DCLRE1C: variants seen among roughly 807,000 people sequenced by gnomAD.
DCLRE1C encodes DNA cross-link repair 1C.
Under a neutral mutation model 61.4 loss-of-function variants are expected in DCLRE1C, and 47 were observed. The observed-to-expected ratio is 0.77, with a 90% CI of 0.61 to 0.98. The LOEUF is 0.98. Ranked by LOEUF, DCLRE1C falls within the 50% of genes least tolerant of loss-of-function variation. The probability of loss-of-function intolerance (pLI) is 0.00; values close to 1 mark genes in which losing one functional copy is unlikely to be tolerated. For missense variants in DCLRE1C, 858 were observed against 816.0 expected (o/e 1.05, Z -0.63); for synonymous variants, 337 against 287.6 (o/e 1.17, Z -1.74).
chr10:14,925,303 G>A (rs1209995207), intron 11 of DCLRE1C, among the ~76,000 whole-genome samples: 1 of 150,312 alleles, frequency 6.7e-6, no homozygotes, highest in African/African-American at 2.5e-5. Context: ...GAGATGAAAT[G>A]GCCCCAAGGA....
At chr10:14,899,322 A>T in intron 13 of DCLRE1C, 2 of 688,044 alleles carry the variant, frequency 2.9e-6, no homozygotes, top group Non-Finnish European at 5.2e-6. Context: ...CCTGTTTAAA[A>T]AAAAAAGGTC....
chr10:14,899,187 G>A lies in DCLRE1C; in HGVS notation c.1282C>T (p.Arg428Cys), dbSNP rs148343292. 2,328 of 701,848 alleles carry A rather than the reference G, an allele frequency of 3.3e-3. 12 individuals carry two copies. Among genetic ancestry groups the A allele is most frequent in the Middle Eastern group, 1.0e-2 (42 of 4,218 alleles). The allele number at this position is 701,848 out of a possible 1,614,324, so 43.5% of individuals were successfully genotyped here. ...AACTAAATCATTAGCTGGGCATGGC[G>A]GTATGCACCTGTGATCCAGCTAGTC... The change falls in exon 14 of 14, where the codon CGC becomes TGC. Residue 428 changes from arginine to cysteine, a missense_variant. Arg to Cys is a radical substitution (Grantham distance 180). Transcript: ENST00000378289.
chr10:14,954,384 C>G (rs1035097015), upstream of DCLRE1C: 7 of 362,876 alleles, frequency 1.9e-5, no homozygotes, highest in Admixed American at 2.6e-4. Context: ...CCCCAGCCGA[C>G]GAGGTGAGTG....
chr10:14,943,023 GGC>G (rs1841115578), intron 3 of DCLRE1C, among the ~76,000 whole-genome samples: 1 of 152,228 alleles, frequency 6.6e-6, no homozygotes, highest in Non-Finnish European at 1.5e-5. Context: ...CCACTAGGGA[GGC>G]GGAGGCAGGG....
At chr10:14,947,082 C>T (rs1043070157) in intron 2 of DCLRE1C, among the ~76,000 whole-genome samples, 14 of 152,108 alleles carry the variant, frequency 9.2e-5, no homozygotes, top group African/African-American at 3.1e-4. Flanking sequence ...CTTAGAGGCA[C>T]GTGCCTGTAG....
At position 14,906,026 on chromosome 10, in the gene DCLRE1C, G is replaced by C. The variant is rs138262568; in HGVS notation, c.*2382C>G. 5.7e-3 allele frequency among the ~76,000 whole-genome samples: 868 copies of C among 152,266 alleles called. 23 individuals carry two copies. The highest frequency in any genetic ancestry group is 0.05 in the Admixed American group (772 of 15,290). ...CTTCATGTTTCCTCTTGTGGTTTAT[G>C]ATTCTTGACGTAAAAACCAAGTAGC... On this transcript the variant is annotated 3_prime_UTR_variant, in exon 14 of 14. Coordinates refer to ENST00000378278, the MANE Select transcript of DCLRE1C (RefSeq NM_001033855.3).
At chr10:14,922,869 G>C in intron 12 of DCLRE1C, 112 bp downstream of exon 12, 1 of 818,920 alleles carries the variant, frequency 1.2e-6, no homozygotes. Context: ...GTTCAGAAAT[G>C]TCCCAAAACA....
intron 13 of DCLRE1C, among the ~76,000 whole-genome samples, chr10:14,919,080 G>A (rs757148497): frequency 1.3e-5 from 2 of 152,122 alleles, no homozygotes; most frequent in South Asian, 2.1e-4. Context: ...TCATTATCTC[G>A]TGTGTTTTGG....
intron 13 of DCLRE1C, among the ~76,000 whole-genome samples, chr10:14,916,240 A>C (rs1836163797): frequency 6.6e-6 from 1 of 152,192 alleles, no homozygotes. Flanking sequence ...CTGTAGTGGT[A>C]GTCTAGACAA....
At chr10:14,924,850 AAAAT>A (rs1257970385) in intron 11 of DCLRE1C, among the ~76,000 whole-genome samples, 3 of 151,950 alleles carry the variant, frequency 2.0e-5, no homozygotes, top group Non-Finnish European at 2.9e-5. Context: ...CCATCTCAAA[AAAAT>A]AAATAAATAA....
intron 2 of DCLRE1C, 72 bp downstream of exon 2, chr10:14,948,964 A>G: frequency 1.9e-6 from 2 of 1,061,156 alleles, no homozygotes; most frequent in Non-Finnish European, 2.9e-6. Flanking sequence ...TTGGATGTAT[A>G]TACTTTTCTG....
chr10:14,936,926 A>G (rs1840030507), intron 4 of DCLRE1C, among the ~76,000 whole-genome samples: 1 of 152,252 alleles, frequency 6.6e-6, no homozygotes, highest in Admixed American at 6.5e-5. Flanking sequence ...CAGCTGATGC[A>G]TCAATCAGGA....
At chr10:14,911,197 G>T (rs1835194983) in intron 13 of DCLRE1C, 1 of 152,246 alleles carries the variant, frequency 6.6e-6, no homozygotes, top group Non-Finnish European at 1.5e-5. Flanking sequence ...CACCGTGCCA[G>T]GAACAGTGTC....
chr10:14,934,322 C>G lies in DCLRE1C; in HGVS notation c.678+58G>C, dbSNP rs1300890161. The G allele has an allele frequency of 1.9e-6, 3 of 1,575,408 alleles. No homozygotes were observed. In the East Asian group the frequency reaches 6.7e-5, roughly 35 times the overall value. On this transcript the variant is annotated intron_variant, in intron 8 of 13. Transcript: ENST00000378278. ...CAGCCTGGGCAACATAGCAAGACTC[C>G]CTCTCAAAAAAAAAAAAAAAAGAAA...
chr10:14,954,385 G>T (rs1025418063), upstream of DCLRE1C: 1 of 361,710 alleles, frequency 2.8e-6, no homozygotes, highest in Non-Finnish European at 5.3e-6. Flanking sequence ...CCCAGCCGAC[G>T]AGGTGAGTGG....
At chr10:14,935,979 G>A (rs529286455) in intron 5 of DCLRE1C, among the ~76,000 whole-genome samples, 24 of 152,280 alleles carry the variant, frequency 1.6e-4, no homozygotes, top group South Asian at 6.2e-4. Context: ...CTCAATCTTG[G>A]CTCACTGCAA....
rs41300654 is a variant in DCLRE1C at position 14,910,849 on chromosome 10, G to A, written c.1157-1519C>T. 4.5e-3 allele frequency among the ~76,000 whole-genome samples: 679 copies of A among 152,148 alleles called. 8 individuals are homozygous for A. Among genetic ancestry groups the A allele is most frequent in the Middle Eastern group, 0.031 (9 of 292 alleles). On this transcript the variant is annotated intron_variant, in intron 13 of 13. Transcript: ENST00000378278. Reference sequence around the variant, plus strand: ...ACTATCTCTCAAGAAAATGGACATCGAGCAATTAAGGACAATGACATGAGA... The same window carrying A: ...ACTATCTCTCAAGAAAATGGACATCAAGCAATTAAGGACAATGACATGAGA...
At chr10:14,945,877 C>G (rs1428157637) in intron 2 of DCLRE1C, among the ~76,000 whole-genome samples, 1 of 150,254 alleles carries the variant, frequency 6.7e-6, no homozygotes, top group Non-Finnish European at 1.5e-5. Flanking sequence ...AGGCTGGTCT[C>G]GAACTCCTGA....
intron 10 of DCLRE1C, among the ~76,000 whole-genome samples, chr10:14,927,582 A>G (rs1589016322): frequency 9.9e-6 from 1 of 101,322 alleles, no homozygotes; most frequent in Non-Finnish European, 1.9e-5. Context: ...GTGGGGGGGG[A>G]GAAAGGAGAG....
Sources: allele counts gnomAD v4.1 joint callset (sites outside exome capture counted in the v4.1 genomes callset), GRCh38; gene constraint gnomAD v4.1.1; transcripts MANE v1.5; gene names NCBI Gene and HGNC (gene_info 2026-07-23, HGNC 2026-07-21).